NAV2: variants seen among roughly 807,000 people sequenced by gnomAD.
NAV2 encodes the protein neuron navigator 2, also known as helicase, APC down-regulated 1.
Under a neutral mutation model 223.2 loss-of-function variants are expected in NAV2, and 54 were observed. That is an observed-to-expected ratio of 0.24 (90% CI 0.19 to 0.30). The LOEUF (loss-of-function observed/expected upper bound fraction) is 0.30, where lower values mean the gene tolerates loss of function less well. Ranked by LOEUF, NAV2 falls within the 10% of genes least tolerant of loss-of-function variation. The pLI is 1.00. For missense variants in NAV2, 2,806 were observed against 3,147.5 expected (o/e 0.89, Z 2.60); for synonymous variants, 1,279 against 1,239.3 (o/e 1.03, Z -0.67).
At chr11:19,735,947 G>T (rs980432452) in intron 1 of NAV2, among the ~76,000 whole-genome samples, 31 of 152,212 alleles carry the variant, frequency 2.0e-4, no homozygotes, top group African/African-American at 6.8e-4. Context: ...GCTGCCATCT[G>T]CCCAGTATGG....
At chr11:19,710,450 G>A (rs1013369748), upstream of NAV2, among the ~76,000 whole-genome samples, 1 of 152,230 alleles carries the variant, frequency 6.6e-6, no homozygotes, top group African/African-American at 2.4e-5. Context: ...CTGAATGCAT[G>A]ATATATTCAT....
At chr11:19,410,122 G>C (rs546575947) in intron 1 of NAV2, among the ~76,000 whole-genome samples, 1 of 152,164 alleles carries the variant, frequency 6.6e-6, no homozygotes, top group Non-Finnish European at 1.5e-5. Context: ...CCTGCTTCAG[G>C]GGGGCAGACA....
chr11:19,676,171 C>T (rs1011569528), intron 1 of NAV2, among the ~76,000 whole-genome samples: 3 of 152,160 alleles, frequency 2.0e-5, no homozygotes, highest in African/African-American at 7.2e-5. Context: ...TCCTCGATCC[C>T]CCTCCCTGCT....
chr11:19,411,005 G>A (rs1850121822), intron 1 of NAV2, among the ~76,000 whole-genome samples: 1 of 152,200 alleles, frequency 6.6e-6, no homozygotes, highest in African/African-American at 2.4e-5. Context: ...TCTGTTGCAT[G>A]GGAAAGGCTC....
At chr11:19,831,237 GC>G (rs1480364456) in intron 1 of NAV2, among the ~76,000 whole-genome samples, 5 of 70,130 alleles carry the variant, frequency 7.1e-5, no homozygotes, top group Admixed American at 1.4e-4. Flanking sequence ...GGGGGGGGGG[GC>G]GCGATGGGGA....
Position 20,049,104 on chromosome 11 carries a change from A to G in NAV2, c.4279A>G (p.Asn1427Asp), listed in dbSNP as rs1392681737. The G allele has an allele frequency of 6.2e-7, 1 of 1,613,986 alleles. No homozygotes were observed. ...SLSSGGVPSHNSSTGLIASSK... is the reference protein window; with the variant it reads ...SLSSGGVPSHDSSTGLIASSK... Reference sequence around the variant, plus strand: ...CAGCAGTGGAGGGGTCCCCAGCCACAATTCTTCCACTGGCCTCATCGCCTC... The same window carrying G: ...CAGCAGTGGAGGGGTCCCCAGCCACGATTCTTCCACTGGCCTCATCGCCTC... The change falls in exon 15 of 38, where the codon AAT (asparagine) becomes GAT (aspartate). Residue 1427 changes from asparagine to aspartate, a missense_variant. By Grantham distance (23) the Asn-to-Asp change is conservative (BLOSUM62 1). Transcript: ENST00000349880.
At chr11:19,493,560 C>G (rs762578217) in intron 1 of NAV2, among the ~76,000 whole-genome samples, 5 of 152,186 alleles carry the variant, frequency 3.3e-5, no homozygotes, top group Non-Finnish European at 7.4e-5. Flanking sequence ...CTGAGCTATA[C>G]CAATCCCTGG....
At chr11:20,008,525 A>G (rs963597076) in intron 11 of NAV2, among the ~76,000 whole-genome samples, 3 of 152,198 alleles carry the variant, frequency 2.0e-5, no homozygotes, top group Non-Finnish European at 2.9e-5. Context: ...GCAAACAAGC[A>G]TGCTTGCCAT....
At chr11:19,819,942 A>G (rs2059286564) in intron 1 of NAV2, among the ~76,000 whole-genome samples, 1 of 152,236 alleles carries the variant, frequency 6.6e-6, no homozygotes, top group Admixed American at 6.5e-5. Flanking sequence ...TCAGACGTCA[A>G]TCAAGACTCC....
At chr11:19,618,591 A>G (rs2046884342) in intron 1 of NAV2, among the ~76,000 whole-genome samples, 1 of 152,098 alleles carries the variant, frequency 6.6e-6, no homozygotes, top group Non-Finnish European at 1.5e-5. Context: ...AGCAATGGGA[A>G]CAGTCTGAGT....
chr11:19,746,042 T>C (rs1181250506), intron 1 of NAV2, among the ~76,000 whole-genome samples: 1 of 152,232 alleles, frequency 6.6e-6, no homozygotes, highest in Admixed American at 6.5e-5. Flanking sequence ...ATGCCCATTT[T>C]ACAGATTAGG....
At chr11:19,855,030 A>C (rs1252270456) in intron 3 of NAV2, among the ~76,000 whole-genome samples, 1 of 152,168 alleles carries the variant, frequency 6.6e-6, no homozygotes, top group African/African-American at 2.4e-5. Context: ...TATTGTGTTC[A>C]AATTCTAACT....
rs144290697 is a variant in NAV2, at chr11:19,475,107, G to C, written c.75+124080G>C. Among the ~76,000 whole-genome samples the C allele has an allele frequency of 7.1e-3, 1,075 of 152,346 alleles. 20 individuals are homozygous for C. Among genetic ancestry groups the C allele is most frequent in the African/African-American group, 0.024 (1,011 of 41,582 alleles). ...GAAGGGGAGGTCTCTCCACTCCCTGGTCACAGCCTGCATCTGGGGAAAGCC... is the reference window on the plus strand; with the variant it reads ...GAAGGGGAGGTCTCTCCACTCCCTGCTCACAGCCTGCATCTGGGGAAAGCC... On this transcript the variant is annotated intron_variant, in intron 1 of 37. Coordinates refer to the NAV2 transcript ENST00000360655.
intron 1 of NAV2, among the ~76,000 whole-genome samples, chr11:19,515,070 C>G (rs1433953769): frequency 6.6e-6 from 1 of 152,126 alleles, no homozygotes; most frequent in African/African-American, 2.4e-5. Context: ...TATGACTAGC[C>G]ATGTGATTTT....
chr11:19,778,079 CCCT>C, intron 1 of NAV2: 1 of 420,450 alleles, frequency 2.4e-6, no homozygotes, highest in Non-Finnish European at 4.8e-6. Flanking sequence ...GGTACTTTTT[CCCT>C]CCTCCGTTTT....
At chr11:19,920,649 T>C (rs57313269) in intron 6 of NAV2, among the ~76,000 whole-genome samples, 8,382 of 152,242 alleles carry the variant, frequency 0.055, 790 homozygotes, top group African/African-American at 0.19. Context: ...CAAAAAGTAC[T>C]AGTTATTAGT....
chr11:20,056,051 T>A, intron 19 of NAV2, 94 bp downstream of exon 19: 2 of 1,200,930 alleles, frequency 1.7e-6, no homozygotes, highest in Non-Finnish European at 2.3e-6. Context: ...TTCACTTCCT[T>A]AACCTGAGAG....
At chr11:19,973,484 A>G (rs1266976068) in intron 10 of NAV2, among the ~76,000 whole-genome samples, 5 of 152,228 alleles carry the variant, frequency 3.3e-5, no homozygotes, top group Non-Finnish European at 7.3e-5. Flanking sequence ...TGCATTTTCC[A>G]AAAGACGCAT....
intron 1 of NAV2, among the ~76,000 whole-genome samples, chr11:19,736,015 A>G (rs1393435480): frequency 6.6e-6 from 1 of 152,188 alleles, no homozygotes; most frequent in Admixed American, 6.5e-5. Context: ...AGCTTTCAGG[A>G]ATAAAAAGAT....
Sources: allele counts gnomAD v4.1 joint callset (sites outside exome capture counted in the v4.1 genomes callset), GRCh38; gene constraint gnomAD v4.1.1; transcripts MANE v1.5; gene names NCBI Gene and HGNC (gene_info 2026-07-23, HGNC 2026-07-21).